The following PCDHGB1 variants were observed in gnomAD, a reference collection of about 807,000 sequenced individuals.
PCDHGB1 encodes protocadherin gamma-B1.
A neutral mutation model predicts 56.6 loss-of-function variants in PCDHGB1; 34 were observed. That is an observed-to-expected ratio of 0.60 (90% CI 0.46 to 0.80). PCDHGB1 has a LOEUF of 0.80. Among genes scored for constraint, PCDHGB1 ranks in the 30% least tolerant of loss-of-function variants. The probability of loss-of-function intolerance (pLI) is 0.00; values close to 1 mark genes in which losing one functional copy is unlikely to be tolerated. For missense variants in PCDHGB1, 1,278 were observed against 1,204.6 expected, an observed-to-expected ratio of 1.06 and a Z score of -0.90; for synonymous variants, 561 against 505.9, an observed-to-expected ratio of 1.11 and a Z score of -1.46.
intron 1 of PCDHGB1, chr5:141,427,490 T>C (rs752745429): frequency 1.8e-6 from 1 of 551,082 alleles, no homozygotes; most frequent in Non-Finnish European, 3.5e-6. Flanking sequence ...ACTATAAGCT[T>C]GTAACAGATG....
intron 1 of PCDHGB1, among the ~76,000 whole-genome samples, chr5:141,430,346 C>G (rs1191705310): frequency 6.8e-6 from 1 of 148,074 alleles, no homozygotes; most frequent in Non-Finnish European, 1.5e-5. Context: ...ACTTCCAATT[C>G]ATTTAAAAGC....
At chr5:141,394,703 A>C (rs138625114) in intron 1 of PCDHGB1, 42,437 of 1,613,130 alleles carry the variant, frequency 0.026, 739 homozygotes, top group East Asian at 0.04. Flanking sequence ...GCACGGCGCG[A>C]GCCCTGCTGG....
At chr5:141,421,921 G>T in intron 1 of PCDHGB1, 1 of 1,613,644 alleles carries the variant, frequency 6.2e-7, no homozygotes, top group Non-Finnish European at 8.5e-7. Context: ...CATTCGTGTG[G>T]TGGTCCTCGA....
chr5:141,510,141 T>C (rs1596266322), intron 3 of PCDHGB1, among the ~76,000 whole-genome samples: 1 of 152,014 alleles, frequency 6.6e-6, no homozygotes. Flanking sequence ...GGGCTAGTGG[T>C]GTGCACCTGT....
intron 1 of PCDHGB1, chr5:141,420,219 T>C: frequency 6.2e-7 from 1 of 1,607,100 alleles, no homozygotes. Flanking sequence ...GATAGCATGC[T>C]ACTGGCTAGC....
At chr5:141,372,231 G>C (rs868293386) in intron 1 of PCDHGB1, 4 of 1,613,256 alleles carry the variant, frequency 2.5e-6, no homozygotes, top group Non-Finnish European at 3.4e-6. Context: ...GCAGGCCAGC[G>C]AGCCCGGGCT....
At chr5:141,408,588 A>G in intron 1 of PCDHGB1, 1 of 1,614,042 alleles carries the variant, frequency 6.2e-7, no homozygotes, top group Non-Finnish European at 8.5e-7. Context: ...GTTAATGACC[A>G]CGCCCCTCAA....
At chr5:141,405,093 T>C in intron 1 of PCDHGB1, 1 of 1,613,946 alleles carries the variant, frequency 6.2e-7, no homozygotes, top group Non-Finnish European at 8.5e-7. Flanking sequence ...CTGCTGGCCC[T>C]CAGGCTGAGG....
intron 1 of PCDHGB1, chr5:141,389,622 G>A: frequency 6.2e-7 from 1 of 1,612,970 alleles, no homozygotes; most frequent in Non-Finnish European, 8.5e-7. Flanking sequence ...GCCGCACGCT[G>A]CAGAGCCTGG....
intron 1 of PCDHGB1, chr5:141,364,841 C>T: frequency 1.2e-6 from 2 of 1,613,988 alleles, no homozygotes. Flanking sequence ...CCGGAGTTAC[C>T]AGCTCAGCTC....
chr5:141,421,855 C>T (rs1329066630), intron 1 of PCDHGB1: 1 of 1,613,764 alleles, frequency 6.2e-7, no homozygotes, highest in East Asian at 2.2e-5. Context: ...GGCTGCTCAC[C>T]TGCTCCTCCT....
intron 2 of PCDHGB1, among the ~76,000 whole-genome samples, chr5:141,504,259 G>A (rs1325093588): frequency 6.6e-6 from 1 of 152,126 alleles, no homozygotes; most frequent in Non-Finnish European, 1.5e-5. Flanking sequence ...TTATGGTTTA[G>A]TATTTTTTTA....
rs760319541 is a variant in PCDHGB1, at chr5:141,477,772, C to T, written c.2410-17035C>T. 1.2e-6 allele frequency: 2 copies of T among 1,614,026 alleles called. No homozygotes were observed. Among genetic ancestry groups the T allele is most frequent in the South Asian group, 1.1e-5 (1 of 91,088 alleles). ...CCCCGGTCCTAGCCACCAACATCAGCGTGAACATATTTGTCACTGATCGCA... is the reference window on the plus strand; with the variant it reads ...CCCCGGTCCTAGCCACCAACATCAGTGTGAACATATTTGTCACTGATCGCA... On this transcript the variant is annotated intron_variant, in intron 1 of 3. Coordinates refer to ENST00000523390, the MANE Select transcript of PCDHGB1 (RefSeq NM_018922.3). This position sits in a 1 kb window ranked among gnomAD's most constrained non-coding sequence, Gnocchi z 4.9.
chr5:141,360,408 C>A (rs2149814524), intron 1 of PCDHGB1: 1 of 1,613,870 alleles, frequency 6.2e-7, no homozygotes, highest in Non-Finnish European at 8.5e-7. Context: ...ACAGAATAGA[C>A]CGAGAACAGA....
intron 1 of PCDHGB1, chr5:141,403,237 CTG>C (rs1436614562): frequency 1.2e-6 from 2 of 1,613,942 alleles, no homozygotes; most frequent in Admixed American, 1.7e-5. Flanking sequence ...GGGAGGAGCT[CTG>C]TGCTCAGAGC....
At chr5:141,478,788 T>A (rs576491824) in intron 1 of PCDHGB1, 147 of 1,473,736 alleles carry the variant, frequency 1.0e-4, no homozygotes, top group Non-Finnish European at 1.3e-4. Context: ...CTAATTCACA[T>A]CCTCAGCACT....
intron 1 of PCDHGB1, chr5:141,357,611 C>T: frequency 6.2e-7 from 1 of 1,613,912 alleles, no homozygotes; most frequent in Non-Finnish European, 8.5e-7. Flanking sequence ...AAAGGAGACC[C>T]TAATCTTCAG....
At chr5:141,384,987 G>A (rs775895766) in intron 1 of PCDHGB1, 14 of 1,614,114 alleles carry the variant, frequency 8.7e-6, no homozygotes, top group Non-Finnish European at 1.1e-5. Flanking sequence ...TGGTGGTGGC[G>A]GTGGCCACAG....
intron 1 of PCDHGB1, chr5:141,376,012 G>A: frequency 6.2e-7 from 1 of 1,613,402 alleles, no homozygotes; most frequent in Non-Finnish European, 8.5e-7. Flanking sequence ...AGAGCCTAGT[G>A]GTGGCCGTCC....
Sources: allele counts gnomAD v4.1 joint callset (sites outside exome capture counted in the v4.1 genomes callset), GRCh38; gene constraint gnomAD v4.1.1; non-coding constraint Gnocchi (gnomAD v3.1); transcripts MANE v1.5; gene names NCBI Gene and HGNC (gene_info 2026-07-23, HGNC 2026-07-21).